Variants in CLMN observed in about 807,000 individuals in gnomAD.
CLMN encodes calmin.
A neutral mutation model predicts 92.7 loss-of-function variants in CLMN; 57 were observed. The observed-to-expected ratio is 0.61, with a 90% CI of 0.50 to 0.77. CLMN has a LOEUF of 0.77. Ranked by LOEUF, CLMN falls within the 30% of genes least tolerant of loss-of-function variation. CLMN has a pLI of 0.00. For synonymous variants in CLMN, 466 were observed against 470.6 expected (o/e 0.99, Z 0.13); for missense variants, 1,158 against 1,237.5 (o/e 0.94, Z 0.96).
At position 95,203,842 on chromosome 14, in the gene CLMN, AATT is replaced by A; in HGVS notation, c.1504_1506del (p.Asn502del). On this transcript the variant is annotated inframe_deletion, in exon 9 of 13. Coordinates refer to ENST00000298912, the MANE Select transcript of CLMN (RefSeq NM_024734.4). ...GCACCATTACAGGAAGAAGACTGAG[AATT>A]ATTGTTTGTGCCCTCCACCAAAAAA... is the stretch of plus-strand genomic sequence containing the variant. The A allele has an allele frequency of 6.2e-7, 1 of 1,614,140 alleles. No individual in the cohort carries two copies. Among genetic ancestry groups the A allele is most frequent in the Non-Finnish European group, 8.5e-7 (1 of 1,180,016 alleles).
intron 1 of CLMN, among the ~76,000 whole-genome samples, chr14:95,267,547 G>A (rs1315751880): frequency 2.6e-5 from 4 of 152,214 alleles, no homozygotes; most frequent in Admixed American, 2.6e-4. Context: ...ATGCTGGTGA[G>A]AATGTGGAGA....
At chr14:95,242,574 C>CTTTCTTTTTTT (rs749024477) in intron 1 of CLMN, among the ~76,000 whole-genome samples, 2 of 119,854 alleles carry the variant, frequency 1.7e-5, no homozygotes, top group Non-Finnish European at 3.6e-5. Flanking sequence ...ATCTCTTTTT[C>CTTTCTTTTTTT]TTTTTTTTTG....
At chr14:95,241,414 C>T (rs1898239128) in intron 1 of CLMN, among the ~76,000 whole-genome samples, 1 of 152,168 alleles carries the variant, frequency 6.6e-6, no homozygotes, top group South Asian at 2.1e-4. Context: ...ACAGGCAGAA[C>T]TGGATTCACA....
At chr14:95,252,330 C>T (rs1010317884) in intron 1 of CLMN, among the ~76,000 whole-genome samples, 18 of 152,240 alleles carry the variant, frequency 1.2e-4, no homozygotes, top group African/African-American at 4.3e-4. Flanking sequence ...AATGAGAGCC[C>T]ACAGCATTGC....
chr14:95,300,806 C>T (rs1047896999), intron 1 of CLMN, among the ~76,000 whole-genome samples: 1 of 152,240 alleles, frequency 6.6e-6, no homozygotes. Flanking sequence ...GGGGGACTGA[C>T]TCCCTGCCAT....
intron 1 of CLMN, among the ~76,000 whole-genome samples, chr14:95,249,810 G>T (rs558860759): frequency 1.3e-5 from 2 of 152,092 alleles, no homozygotes. Context: ...AGCCAGGGTG[G>T]TCTTGATCTC....
chr14:95,297,084 G>A (rs1014061567), intron 1 of CLMN, among the ~76,000 whole-genome samples: 1 of 152,184 alleles, frequency 6.6e-6, no homozygotes, highest in African/African-American at 2.4e-5. Context: ...ACTCCTATCT[G>A]TGGCTTTCCC....
rs539409951 is a variant in CLMN at position 95,237,537 on chromosome 14, G to A, written c.83-7404C>T. On this transcript the variant is annotated intron_variant, in intron 1 of 12. Transcript: ENST00000298912. Reference sequence around the variant, plus strand: ...GAGCAAAGGTCCCCATCCACTGTCCGGGAGGCCAGGAGAGGGAGGGTGGCA... The same window carrying A: ...GAGCAAAGGTCCCCATCCACTGTCCAGGAGGCCAGGAGAGGGAGGGTGGCA... Among the ~76,000 whole-genome samples, 16 of 152,352 alleles carry A rather than the reference G, an allele frequency of 1.1e-4. No individual in the cohort carries two copies. The East Asian group carries it at 1.3e-3, about 13-fold the overall frequency.
chr14:95,219,443 C>T (rs1280957858), intron 4 of CLMN, among the ~76,000 whole-genome samples: 1 of 152,190 alleles, frequency 6.6e-6, no homozygotes, highest in East Asian at 1.9e-4. Flanking sequence ...AGCAGGTGGG[C>T]ATCAGACGTA....
rs1896405817 is a variant in CLMN at position 95,184,931 on chromosome 14, A to T, written c.*6633T>A. 6.6e-6 allele frequency: 1 copy of T among 152,260 alleles called. No homozygotes were observed. The highest frequency in any genetic ancestry group is 2.4e-5 in the African/African-American group (1 of 41,438). 9.4% of individuals were successfully genotyped at this position (152,260 alleles called of 1,614,324 possible). A position where few individuals can be genotyped will look rare whatever the true frequency, so the allele number is the denominator to read the frequency against. On this transcript the variant is annotated 3_prime_UTR_variant, in exon 13 of 13. Coordinates refer to ENST00000298912, the MANE Select transcript of CLMN (RefSeq NM_024734.4). ...CGAGACCAGCCTGAGCAACAGTGAG[A>T]CCTGTATCTATAAAAGATAAAAAAA...
chr14:95,238,137 C>T (rs1440000586), intron 1 of CLMN, among the ~76,000 whole-genome samples: 2 of 152,176 alleles, frequency 1.3e-5, no homozygotes, highest in African/African-American at 4.8e-5. Context: ...CCAGCCCCAA[C>T]GCTGCCGACT....
chr14:95,241,251 C>T lies in CLMN; in HGVS notation c.83-11118G>A, dbSNP rs572590580. Among the ~76,000 whole-genome samples the T allele has an allele frequency of 3.3e-5, 5 of 151,814 alleles. No individual in the cohort carries two copies. In the South Asian group the frequency reaches 6.2e-4, roughly 19 times the overall value. On this transcript the variant is annotated intron_variant, in intron 1 of 12. Transcript: ENST00000298912. ...TCTAGTATTATGGTGACCAACTGTC[C>T]GGATTTGCCTGGGACTGAAGGGCCT...
intron 7 of CLMN, among the ~76,000 whole-genome samples, chr14:95,210,430 T>C (rs1897164219): frequency 2.0e-5 from 3 of 152,174 alleles, no homozygotes; most frequent in African/African-American, 7.2e-5. Context: ...TAGAAGTATG[T>C]AAAATACTTA....
At chr14:95,268,768 AT>A (rs1899581529) in intron 1 of CLMN, among the ~76,000 whole-genome samples, 1 of 132,244 alleles carries the variant, frequency 7.6e-6, no homozygotes, top group South Asian at 2.7e-4. Flanking sequence ...TAGTGAGGGT[AT>A]ACTGGGACCT....
rs1555390026 is a variant in CLMN, at chr14:95,242,574, C to CT, written c.83-12442dup. ...CATGCCCAGCCTGGCATCTCTTTTT[C>CT]TTTTTTTTTGAGACGGAGTCTCGCT... On this transcript the variant is annotated intron_variant, in intron 1 of 12. Coordinates refer to ENST00000298912, the MANE Select transcript of CLMN (RefSeq NM_024734.4). 1.0e-4 allele frequency among the ~76,000 whole-genome samples: 12 copies of CT among 119,904 alleles called. 1 individual carries two copies. Among genetic ancestry groups the CT allele is most frequent in the South Asian group, 8.3e-4 (3 of 3,620 alleles). The allele number at this position is 119,904 out of a possible 152,430, so 78.7% of individuals were successfully genotyped here.
intron 2 of CLMN, among the ~76,000 whole-genome samples, chr14:95,225,154 CA>C (rs200153974): frequency 0.039 from 5,534 of 141,684 alleles, 260 homozygotes; most frequent in African/African-American, 0.11. Flanking sequence ...AAAGTTGTAC[CA>C]AAAAAAAAAA....
At chr14:95,306,119 G>C (rs1057309972) in intron 1 of CLMN, among the ~76,000 whole-genome samples, 2 of 152,258 alleles carry the variant, frequency 1.3e-5, no homozygotes. Context: ...GGGGACCACA[G>C]GTGACAGTGA....
chr14:95,245,254 A>ATATATATATATATATT (rs1491364370), intron 1 of CLMN, among the ~76,000 whole-genome samples: 10 of 27,962 alleles, frequency 3.6e-4, no homozygotes, highest in South Asian at 3.3e-3. Flanking sequence ...ATATATATAT[A>ATATATATATATATATT]ATATATATAT....
intron 9 of CLMN, among the ~76,000 whole-genome samples, chr14:95,200,565 C>T (rs544692618): frequency 2.0e-5 from 3 of 152,244 alleles, no homozygotes; most frequent in East Asian, 1.9e-4. Flanking sequence ...TCCCCAGTGC[C>T]GTAGCAGGAC....
Sources: gnomAD v4.1 joint callset for allele counts (sites outside exome capture counted in the v4.1 genomes callset) on GRCh38, gnomAD v4.1.1 for gene constraint, MANE v1.5 for transcripts, NCBI Gene and HGNC (gene_info 2026-07-23, HGNC 2026-07-21) for gene names.